Variants in CAST observed in about 807,000 individuals in gnomAD.
CAST encodes the protein MIR583 host.
A neutral mutation model predicts 119.6 loss-of-function variants in CAST; 76 were observed. The observed-to-expected ratio is 0.64, with a 90% CI of 0.53 to 0.77. The LOEUF is 0.77. Among genes scored for constraint, CAST ranks in the 30% least tolerant of loss-of-function variants. The probability of loss-of-function intolerance (pLI) is 0.00; values close to 1 mark genes in which losing one functional copy is unlikely to be tolerated. For synonymous variants in CAST, 319 were observed against 331.6 expected (o/e 0.96, Z 0.41); for missense variants, 953 against 946.5 (o/e 1.01, Z -0.09).
the CAST span, among the ~76,000 whole-genome samples, chr5:95,991,497 GT>G: frequency 0.2 from 12,950 of 65,894 alleles, 204 homozygotes; most frequent in African/African-American, 0.3. Flanking sequence ...AACAAGTTTT[GT>G]TTTTTTTTTT....
the CAST span, among the ~76,000 whole-genome samples, chr5:95,991,862 C>G: frequency 6.6e-6 from 1 of 152,002 alleles, no homozygotes; most frequent in African/African-American, 2.4e-5. Flanking sequence ...ATGTGTCCAA[C>G]CCACAGAAAT....
At chr5:96,555,496 C>T (rs562882169) in intron 1 of CAST, among the ~76,000 whole-genome samples, 53 of 152,252 alleles carry the variant, frequency 3.5e-4, no homozygotes, top group East Asian at 5.8e-4. Context: ...AGGCGACAGA[C>T]GGCACCTAGG....
chr5:96,046,873 T>C, the CAST span, among the ~76,000 whole-genome samples: 3 of 152,150 alleles, frequency 2.0e-5, no homozygotes, highest in African/African-American at 7.2e-5. Flanking sequence ...TGGAAACCCC[T>C]GATAAAACCA....
Position 96,737,925 on chromosome 5 carries a change from C to A in CAST, c.776C>A (p.Thr259Lys). 6.3e-7 allele frequency: 1 copy of A among 1,596,232 alleles called. No homozygotes were observed. The highest frequency in any genetic ancestry group is 8.6e-7 in the Non-Finnish European group (1 of 1,164,118). ...GPEETEEENT[T>K]YTGPEVSDPM... ...GAAGAAACTGAAGAAGAAAATACAA[C>A]GTATACTGGACCAGAAGTTTCAGTA... The change falls in exon 11 of 32, where the codon ACG becomes AAG. Residue 259 changes from threonine to lysine, a missense_variant. Coordinates refer to ENST00000675179, the MANE Select transcript of CAST (RefSeq NM_001750.7).
rs140456913 is a variant in CAST, at chr5:96,695,853, C to A, written c.156C>A (p.Leu52=). ...TTTTCAAGAAAAAAGCAGCAAGCCTCGGCAGCAGTCAATCCTCCAGAACCT... is the reference window on the plus strand; with the variant it reads ...TTTTCAAGAAAAAAGCAGCAAGCCTAGGCAGCAGTCAATCCTCCAGAACCT... ...KGSDEKKAAS[L]GSSQSSRTYA... Residue 52 remains leucine, a synonymous_variant, in exon 3 of 32, where the codon CTC becomes CTA. Coordinates refer to ENST00000675179, the MANE Select transcript of CAST (RefSeq NM_001750.7). 5.0e-6 allele frequency: 8 copies of A among 1,612,370 alleles called. No individual in the cohort carries two copies. The highest frequency in any genetic ancestry group is 6.8e-6 in the Non-Finnish European group (8 of 1,178,838).
In CAST at chr5:96,697,766, C is replaced by A. The variant is rs557415193; in HGVS notation, c.210+1859C>A. On this transcript the variant is annotated intron_variant, in intron 3 of 31. Coordinates refer to ENST00000675179, the MANE Select transcript of CAST (RefSeq NM_001750.7). ...GTCCAGTCCCACTGAGCTTCAGTTT[C>A]TTCATCTGTAAAATGAGGGTTGGAC... Among the ~76,000 whole-genome samples, 16 of 152,312 alleles carry A rather than the reference C, an allele frequency of 1.1e-4. No homozygotes were observed. The South Asian group carries it at 3.3e-3, about 32-fold the overall frequency.
chr5:96,762,412 G>C (rs144506614), intron 25 of CAST, 40 bp downstream of exon 25: 34 of 1,430,394 alleles, frequency 2.4e-5, no homozygotes, highest in African/African-American at 2.9e-5. Context: ...ATGTTTTTGC[G>C]CAGCCACAAC....
chr5:96,656,619 C>A (rs1158114594), intron 1 of CAST, among the ~76,000 whole-genome samples: 1 of 152,166 alleles, frequency 6.6e-6, no homozygotes, highest in Non-Finnish European at 1.5e-5. Context: ...ATCTTAATTT[C>A]ATTACTCAGT....
chr5:96,366,105 A>T, the CAST span, among the ~76,000 whole-genome samples: 2 of 152,224 alleles, frequency 1.3e-5, no homozygotes, highest in Non-Finnish European at 2.9e-5. Flanking sequence ...TTGGCTGGAT[A>T]TGAAATTCTG....
At chr5:96,645,686 T>G (rs1296429964) in intron 1 of CAST, among the ~76,000 whole-genome samples, 3 of 151,902 alleles carry the variant, frequency 2.0e-5, no homozygotes, top group African/African-American at 7.2e-5. Context: ...CCTTTTTTAT[T>G]TTAAAATATT....
At chr5:96,026,231 A>G in the CAST span, among the ~76,000 whole-genome samples, 1 of 152,162 alleles carries the variant, frequency 6.6e-6, no homozygotes, top group Non-Finnish European at 1.5e-5. Flanking sequence ...TCAATCAGTT[A>G]GTCAATCAGA....
At chr5:96,084,555 C>A in the CAST span, among the ~76,000 whole-genome samples, 2 of 152,186 alleles carry the variant, frequency 1.3e-5, no homozygotes, top group Non-Finnish European at 2.9e-5. Flanking sequence ...TTGTTGGTCG[C>A]AGGCACCAGA....
chr5:96,243,283 T>G, the CAST span, among the ~76,000 whole-genome samples: 2 of 150,576 alleles, frequency 1.3e-5, no homozygotes, highest in Non-Finnish European at 3.0e-5. Context: ...ATGGAAGTTT[T>G]ATTTATTTAA....
chr5:96,172,037 C>T, the CAST span, among the ~76,000 whole-genome samples: 1,001 of 151,602 alleles, frequency 6.6e-3, 10 homozygotes, highest in African/African-American at 0.023. Flanking sequence ...GCTTTTTAAT[C>T]ACCTGGGTGC....
the CAST span, among the ~76,000 whole-genome samples, chr5:96,053,112 A>G: frequency 6.6e-6 from 1 of 152,178 alleles, no homozygotes; most frequent in Non-Finnish European, 1.5e-5. Flanking sequence ...GACAGCACCA[A>G]CTTTAAGGAT....
the CAST span, among the ~76,000 whole-genome samples, chr5:96,222,057 T>C: frequency 7.2e-5 from 11 of 152,112 alleles, no homozygotes; most frequent in Non-Finnish European, 1.5e-4. Flanking sequence ...GATATCCATA[T>C]GCAGAATAAT....
chr5:96,502,954 T>C, the CAST span, among the ~76,000 whole-genome samples: 1 of 152,182 alleles, frequency 6.6e-6, no homozygotes, highest in African/African-American at 2.4e-5. Flanking sequence ...CTGGTGCTTT[T>C]CATTTCTGTG....
chr5:96,455,509 A>G, the CAST span, among the ~76,000 whole-genome samples: 1 of 152,238 alleles, frequency 6.6e-6, no homozygotes. Flanking sequence ...AGTTCAGACC[A>G]GAATAAGCAG....
chr5:96,716,434 A>G (rs551315540), intron 3 of CAST, among the ~76,000 whole-genome samples: 20 of 152,372 alleles, frequency 1.3e-4, no homozygotes, highest in Non-Finnish European at 8.8e-5. Context: ...GTTTTGTGCC[A>G]TAAAATAATA....
Sources: gnomAD v4.1 joint callset for allele counts (sites outside exome capture counted in the v4.1 genomes callset) on GRCh38, gnomAD v4.1.1 for gene constraint, MANE v1.5 for transcripts, NCBI Gene and HGNC (gene_info 2026-07-23, HGNC 2026-07-21) for gene names.